LRP1B: variants seen among roughly 807,000 people sequenced by gnomAD.
The protein encoded by LRP1B is LDL receptor related protein 1B.
Under a neutral mutation model 556.6 loss-of-function variants are expected in LRP1B, and 217 were observed. The observed-to-expected ratio is 0.39, with a 90% CI of 0.35 to 0.44. LRP1B has a LOEUF of 0.44. Among genes scored for constraint, LRP1B ranks in the 20% least tolerant of loss-of-function variants. The pLI, the probability that LRP1B is intolerant of heterozygous loss-of-function variation, is 1.00. For missense variants in LRP1B, 5,053 were observed against 5,620.8 expected (o/e 0.90, Z 3.23); for synonymous variants, 2,047 against 1,865.8 (o/e 1.10, Z -2.50).
At chr2:142,010,932 T>C (rs1702942952) in intron 1 of LRP1B, among the ~76,000 whole-genome samples, 3 of 152,172 alleles carry the variant, frequency 2.0e-5, no homozygotes, top group Admixed American at 1.3e-4. Flanking sequence ...GCTTCATGTA[T>C]TGTGCTATCT....
rs200299088 is a variant in LRP1B, at chr2:140,849,396, CAAAAAACAAAATCCAAAAAAA to C, written c.4939+685_4939+705del. On this transcript the variant is annotated intron_variant, in intron 29 of 90. Coordinates refer to ENST00000389484, the MANE Select transcript of LRP1B (RefSeq NM_018557.3). ...CAAAAAAAAAACAAAAAACAAAAAA[CAAAAAACAAAATCCAAAAAAA>C]AAAAAACAGGGAAGCCAGTCCTTCC... Among the ~76,000 whole-genome samples the C allele has an allele frequency of 9.2e-3, 645 of 70,358 alleles. 4 individuals are homozygous for C. The highest frequency in any genetic ancestry group is 0.031 in the Middle Eastern group (4 of 130). The allele number at this position is 70,358 out of a possible 152,430, so 46.2% of individuals were successfully genotyped here.
At chr2:141,829,323 ACT>A (rs1267895021) in intron 1 of LRP1B, among the ~76,000 whole-genome samples, 2 of 151,894 alleles carry the variant, frequency 1.3e-5, no homozygotes, top group Non-Finnish European at 2.9e-5. Flanking sequence ...TGAGTAAAAA[ACT>A]CTTTCTTGTT....
chr2:141,637,499 C>T (rs756279782), intron 2 of LRP1B, among the ~76,000 whole-genome samples: 32 of 152,178 alleles, frequency 2.1e-4, no homozygotes, highest in Non-Finnish European at 4.0e-4. Flanking sequence ...GTCTGAGAAA[C>T]TCTGCTATTT....
chr2:141,518,537 T>C (rs867712212), intron 2 of LRP1B, among the ~76,000 whole-genome samples: 5 of 152,252 alleles, frequency 3.3e-5, no homozygotes, highest in Middle Eastern at 3.4e-3. Flanking sequence ...CACATAAAAC[T>C]TAAAGCAGAG....
At chr2:141,483,846 G>A (rs1683015675) in intron 2 of LRP1B, among the ~76,000 whole-genome samples, 1 of 150,864 alleles carries the variant, frequency 6.6e-6, no homozygotes, top group African/African-American at 2.4e-5. Context: ...TGAGTTCATT[G>A]TAGATTCTGG....
At chr2:140,281,548 A>G (rs1214385403) in intron 84 of LRP1B, among the ~76,000 whole-genome samples, 1 of 151,676 alleles carries the variant, frequency 6.6e-6, no homozygotes. Context: ...AGACATTAAT[A>G]TTATTGCATT....
intron 2 of LRP1B, among the ~76,000 whole-genome samples, chr2:141,517,977 T>C (rs1684385670): frequency 6.6e-6 from 1 of 152,212 alleles, no homozygotes; most frequent in Non-Finnish European, 1.5e-5. Context: ...CAAAACTATG[T>C]GTCATCACTA....
chr2:141,480,147 C>T (rs1013312123), intron 3 of LRP1B, among the ~76,000 whole-genome samples: 4 of 147,508 alleles, frequency 2.7e-5, no homozygotes, highest in Admixed American at 6.9e-5. Context: ...AGCCCAACTT[C>T]AAAGTCTAAA....
intron 2 of LRP1B, among the ~76,000 whole-genome samples, chr2:141,752,867 C>T (rs549709834): frequency 7.3e-6 from 1 of 137,590 alleles, no homozygotes; most frequent in African/African-American, 2.7e-5. Context: ...TCACTTGAGC[C>T]CGGGAGGTTG....
chr2:140,840,508 C>T (rs193168941), intron 30 of LRP1B, among the ~76,000 whole-genome samples: 2 of 152,286 alleles, frequency 1.3e-5, no homozygotes, highest in East Asian at 1.9e-4. Flanking sequence ...TAGCTCTATG[C>T]AAGCTCCCTT....
At chr2:142,018,029 T>G (rs772920453) in intron 1 of LRP1B, among the ~76,000 whole-genome samples, 2 of 151,844 alleles carry the variant, frequency 1.3e-5, no homozygotes, top group East Asian at 3.9e-4. Flanking sequence ...AGCAGGCTCA[T>G]GCATTTCAAT....
rs200348935 is a variant in LRP1B at position 141,480,172 on chromosome 2, T to TGC, written c.343+223_343+224insGC. Among the ~76,000 whole-genome samples, 10 of 23,458 alleles carry TGC rather than the reference T, an allele frequency of 4.3e-4. No individual in the cohort carries two copies. The East Asian group carries it at 5.3e-3, about 12-fold the overall frequency. The allele number at this position is 23,458 out of a possible 152,430, so 15.4% of individuals were successfully genotyped here. A position where few individuals can be genotyped will look rare whatever the true frequency, so the allele number is the denominator to read the frequency against. On this transcript the variant is annotated intron_variant, in intron 3 of 90. Transcript: ENST00000389484. ...CAAAGTCTAAATTTGTGTGTGTGTG[T>TGC]GTGTGTGTGTGTGTGTGTGTGTTGT...
chr2:140,818,589 C>A (rs2105048414), intron 31 of LRP1B, among the ~76,000 whole-genome samples: 1 of 152,260 alleles, frequency 6.6e-6, no homozygotes, highest in South Asian at 2.1e-4. Context: ...ATTAGGCTAT[C>A]TCAAGAAATG....
At chr2:141,153,502 TATA>T (rs1356679215) in intron 7 of LRP1B, among the ~76,000 whole-genome samples, 19 of 127,296 alleles carry the variant, frequency 1.5e-4, no homozygotes, top group Middle Eastern at 4.0e-3. Flanking sequence ...TATATTTATA[TATA>T]ATAATATATA....
chr2:140,536,641 G>T lies in LRP1B; in HGVS notation c.7582C>A (p.Leu2528Ile), dbSNP rs746883586. 2 of 1,611,396 alleles carry T rather than the reference G, an allele frequency of 1.2e-6. No homozygotes were observed. Among genetic ancestry groups the T allele is most frequent in the Non-Finnish European group, 8.5e-7 (1 of 1,178,686 alleles). ...CAGTGAGGAATGCCATCACAGGTGA[G>T]CTGGTAGTCAATGCACTCACCATTT... The part of the protein sequence containing the change: ...CGNGECIDYQ[L>I]TCDGIPHCKD... Residue 2528 changes from leucine to isoleucine, a missense_variant, in exon 46 of 91, where the codon CTC (leucine) becomes ATC (isoleucine). Transcript: ENST00000389484.
chr2:140,963,630 A>T (rs1179871868), intron 18 of LRP1B, among the ~76,000 whole-genome samples: 1 of 152,138 alleles, frequency 6.6e-6, no homozygotes, highest in East Asian at 1.9e-4. Context: ...ACCAGAAATA[A>T]TCTGCTGAAT....
intron 11 of LRP1B, among the ~76,000 whole-genome samples, chr2:141,046,506 G>A (rs1698873870): frequency 6.6e-6 from 1 of 152,144 alleles, no homozygotes; most frequent in Admixed American, 6.6e-5. Flanking sequence ...TGTTCCTTGT[G>A]TAGAAAGACA....
At chr2:142,093,717 T>G (rs1201076720) in intron 1 of LRP1B, among the ~76,000 whole-genome samples, 1 of 151,980 alleles carries the variant, frequency 6.6e-6, no homozygotes, top group Non-Finnish European at 1.5e-5. Context: ...ACAGCTGCAT[T>G]AAAGATAAAG....
chr2:141,451,485 T>G (rs2105023317), intron 3 of LRP1B, among the ~76,000 whole-genome samples: 1 of 152,336 alleles, frequency 6.6e-6, no homozygotes, highest in Non-Finnish European at 1.5e-5. Context: ...AAAACAGATG[T>G]TGAATGCCTA....
Sources: allele counts gnomAD v4.1 joint callset (sites outside exome capture counted in the v4.1 genomes callset), GRCh38; gene constraint gnomAD v4.1.1; transcripts MANE v1.5; gene names NCBI Gene and HGNC (gene_info 2026-07-23, HGNC 2026-07-21).